EIF3A: variants seen among roughly 807,000 people sequenced by gnomAD.
EIF3A encodes EIF3, p180 subunit.
In EIF3A, 21 loss-of-function variants were observed where a neutral mutation model predicts 186.6. The ratio of observed to expected loss-of-function variants is 0.11; its 90% CI spans 0.08 to 0.16. EIF3A has a LOEUF of 0.16. Ranked by LOEUF, EIF3A falls within the 10% of genes least tolerant of loss-of-function variation. The pLI, the probability that EIF3A is intolerant of heterozygous loss-of-function variation, is 1.00. For missense variants in EIF3A, 1,306 were observed against 1,796.3 expected, an observed-to-expected ratio of 0.73 and a Z score of 4.93; for synonymous variants, 563 against 584.3, an observed-to-expected ratio of 0.96 and a Z score of 0.52.
chr10:119,050,617 C>G lies in EIF3A; in HGVS notation c.2377G>C (p.Glu793Gln). The G allele has an allele frequency of 6.2e-7, 1 of 1,614,076 alleles. No homozygotes were observed. Among genetic ancestry groups the G allele is most frequent in the Non-Finnish European group, 8.5e-7 (1 of 1,180,014 alleles). The stretch of plus-strand genomic sequence containing the variant: ...TCTTCTTTACGCTGCCTTTTCCGTT[C>G]TTCCAATCGATTATGCCTTTCTTCT... The part of the protein sequence containing the change: ...LAEERHNRLE[E>Q]RKRQRKEERR... Residue 793 changes from glutamate (E) to glutamine (Q), a missense_variant, in exon 16 of 22, where the codon GAA (glutamate) becomes CAA (glutamine). Physicochemically the swap from Glu to Gln is conservative, Grantham distance 29 (BLOSUM62 2). This residue lies in a region of EIF3A where 410 missense variants were observed against 473.5 expected (regional missense o/e 0.87). Transcript: ENST00000369144.
chr10:119,037,043 TAATTA>T (rs1848138414), intron 21 of EIF3A, 71 bp downstream of exon 21: 1 of 997,556 alleles, frequency 1.0e-6, no homozygotes, highest in Non-Finnish European at 1.5e-6. Flanking sequence ...ATTTATGATA[TAATTA>T]AATAACCCAA....
In EIF3A at chr10:119,059,386, A is replaced by T; in HGVS notation, c.1455T>A (p.Asp485Glu). ...ARHCDLQVRI[D>E]HTSRTLSFGS... ...CAAAACTCAGGGTCCGAGAAGTGTGATCAATACGAACCTTTGAAAATTAAA... is the reference window on the plus strand; with the variant it reads ...CAAAACTCAGGGTCCGAGAAGTGTGTTCAATACGAACCTTTGAAAATTAAA... Residue 485 changes from aspartate to glutamate, a missense_variant, in exon 11 of 22, where the codon GAT becomes GAA. By Grantham distance (45) the Asp-to-Glu change is conservative. Around this residue, in one of 8 missense-constraint regions of EIF3A, gnomAD observed 267 missense variants for 367.8 expected, o/e 0.73. Transcript: ENST00000369144. 6.3e-7 allele frequency: 1 copy of T among 1,585,350 alleles called. No individual in the cohort carries two copies. The highest frequency in any genetic ancestry group is 8.6e-7 in the Non-Finnish European group (1 of 1,166,904).
rs190931308 is a variant in EIF3A at position 119,039,286 on chromosome 10, A to T, written c.3527-847T>A. ...CTCACACTTATGCATGGAATATATG[A>T]ATCTAGGAACATTTTATATACAGTA... On this transcript the variant is annotated intron_variant, in intron 19 of 21. Transcript: ENST00000369144. 1.1e-4 allele frequency among the ~76,000 whole-genome samples: 17 copies of T among 152,226 alleles called. 1 individual carries two copies. The highest frequency in any genetic ancestry group is 9.8e-4 in the Admixed American group (15 of 15,274).
intron 4 of EIF3A, among the ~76,000 whole-genome samples, chr10:119,072,040 AAAAAAAGAAAG>A (rs1212294110): frequency 6.8e-5 from 9 of 132,206 alleles, no homozygotes; most frequent in South Asian, 2.2e-4. Context: ...AAAAAAAAAA[AAAAAAAGAAAG>A]AAAAAAAGAA....
Position 119,038,339 on chromosome 10 carries a change from C to G in EIF3A, c.3627G>C (p.Arg1209Ser). 2 of 1,614,052 alleles carry G rather than the reference C, an allele frequency of 1.2e-6. No individual in the cohort carries two copies. The highest frequency in any genetic ancestry group is 2.7e-5 in the African/African-American group (2 of 74,984). Reference sequence around the variant, plus strand: ...CCTCCCGATCTTGATTATCTCTGTCCCTTTCTTTTTCTCTGTCCCATTCAC... The same window carrying G: ...CCTCCCGATCTTGATTATCTCTGTCGCTTTCTTTTTCTCTGTCCCATTCAC... ...EEREWDREKE[R>S]DRDNQDREEN... Residue 1209 changes from arginine (R) to serine (S), a missense_variant, in exon 20 of 22, where the codon AGG becomes AGC. This residue lies in a region of EIF3A where 331 missense variants were observed against 365.8 expected (regional missense o/e 0.90). Coordinates refer to ENST00000369144, the MANE Select transcript of EIF3A (RefSeq NM_003750.4).
intron 9 of EIF3A, 74 bp from the exon 10 acceptor site, chr10:119,059,792 GTCATGGGAAGTAGAAA>G (rs1171117510): frequency 1.4e-5 from 13 of 940,908 alleles, no homozygotes; most frequent in Non-Finnish European, 1.9e-5. Context: ...TCTCATGACA[GTCATGGGAAGTAGAAA>G]TTATGCCAGA....
At position 119,044,085 on chromosome 10, in the gene EIF3A, C is replaced by G; in HGVS notation, c.2716G>C (p.Asp906His). 6.2e-7 allele frequency: 1 copy of G among 1,614,078 alleles called. No individual in the cohort carries two copies. The highest frequency in any genetic ancestry group is 1.6e-4 in the Middle Eastern group (1 of 6,062). Residue 906 changes from aspartate to histidine, a missense_variant, in exon 18 of 22, where the codon GAT becomes CAT. Asp to His is a moderately conservative substitution (Grantham distance 81). Around this residue, in one of 8 missense-constraint regions of EIF3A, gnomAD observed 410 missense variants for 473.5 expected, o/e 0.87. Coordinates refer to ENST00000369144, the MANE Select transcript of EIF3A (RefSeq NM_003750.4). Reference protein sequence around the residue: ...EGTWRKGPEADSEWRRGPPEK... With the variant: ...EGTWRKGPEAHSEWRRGPPEK... ...GGCGGGCCTCTTCTCCACTCAGAAT[C>G]TGCTTCAGGTCCTTTTCTCCAGGTG...
At chr10:119,063,121 T>C (rs1291474993) in intron 7 of EIF3A, among the ~76,000 whole-genome samples, 2 of 152,128 alleles carry the variant, frequency 1.3e-5, no homozygotes, top group East Asian at 3.9e-4. Context: ...GCTTTAAAAA[T>C]TAGAAGCAAA....
At chr10:119,071,186 A>T in intron 4 of EIF3A, 101 bp from the exon 5 acceptor site, 2 of 843,148 alleles carry the variant, frequency 2.4e-6, no homozygotes, top group Non-Finnish European at 3.8e-6. Flanking sequence ...TTTTAACAGG[A>T]TTCACCAAAC....
chr10:119,045,933 C>A (rs139084463), intron 17 of EIF3A, among the ~76,000 whole-genome samples: 24 of 152,108 alleles, frequency 1.6e-4, no homozygotes, highest in Non-Finnish European at 2.4e-4. Context: ...TCTCAGAGAA[C>A]CTGGTACAAA....
At position 119,042,148 on chromosome 10, in the gene EIF3A, A is replaced by G. The variant is rs763871929; in HGVS notation, c.3372T>C (p.Asp1124=). Residue 1124 remains aspartate, a synonymous_variant, in exon 19 of 22, where the codon GAT becomes GAC. Coordinates refer to ENST00000369144, the MANE Select transcript of EIF3A (RefSeq NM_003750.4). This position sits in a 1 kb window ranked among gnomAD's most constrained non-coding sequence, Gnocchi z 7.8. ...CACCACGCCTGGGAATTCTGTCATCATCGGCGTTCCTCCAAGGTCCTCGAT... is the reference window on the plus strand; with the variant it reads ...CACCACGCCTGGGAATTCTGTCATCGTCGGCGTTCCTCCAAGGTCCTCGAT... ...DDDRGPWRNA[D]DDRIPRRGAE... is the part of the protein sequence containing the mutation. 9 of 1,613,848 alleles carry G rather than the reference A, an allele frequency of 5.6e-6. No homozygotes were observed. In the South Asian group the frequency reaches 6.6e-5, roughly 12 times the overall value.
At chr10:119,059,977 C>T (rs746451232) in intron 9 of EIF3A, 4 of 544,104 alleles carry the variant, frequency 7.4e-6, no homozygotes, top group Non-Finnish European at 1.4e-5. Flanking sequence ...AAACCTGCTA[C>T]TTACCGAATA....
At position 119,052,142 on chromosome 10, in the gene EIF3A, A is replaced by T. The variant is rs149525366; in HGVS notation, c.2197-821T>A. 6.6e-5 allele frequency among the ~76,000 whole-genome samples: 10 copies of T among 152,288 alleles called. No homozygotes were observed. The East Asian group carries it at 1.5e-3, about 23-fold the overall frequency. On this transcript the variant is annotated intron_variant, in intron 14 of 21. Coordinates refer to ENST00000369144, the MANE Select transcript of EIF3A (RefSeq NM_003750.4). ...TTTTTAACTCAAGAGTAGAATTTCA[A>T]TTTGATCCAATCCTCTCAAACCCTG...
At chr10:119,080,174 G>T (rs1844240137) in intron 1 of EIF3A, among the ~76,000 whole-genome samples, 1 of 152,196 alleles carries the variant, frequency 6.6e-6, no homozygotes, top group African/African-American at 2.4e-5. Flanking sequence ...GCCCGGGCAG[G>T]AGGTGGAGCC....
chr10:119,063,875 GA>G (rs1843928736), intron 7 of EIF3A, among the ~76,000 whole-genome samples: 1 of 152,190 alleles, frequency 6.6e-6, no homozygotes, highest in African/African-American at 2.4e-5. Context: ...TTGAGGCCAG[GA>G]GTTCACGACC....
rs1367585744 is a variant in EIF3A at position 119,058,286 on chromosome 10, C to T, written c.1647G>A (p.Gln549=). 3 of 1,589,634 alleles carry T rather than the reference C, an allele frequency of 1.9e-6. No homozygotes were observed. The highest frequency in any genetic ancestry group is 2.3e-5 in the East Asian group (1 of 44,430). ...GGTATGCAGTGACAGCCAACTGATG[C>T]TGTTCTTCTTTCTCTTGCTTCAAAA... ...PAHILQEKEE[Q]HQLAVTAYLK... Residue 549 remains glutamine, a synonymous_variant, in exon 12 of 22, where the codon CAG becomes CAA. Coordinates refer to ENST00000369144, the MANE Select transcript of EIF3A (RefSeq NM_003750.4).
At chr10:119,050,070 G>C in intron 16 of EIF3A, 85 bp from the exon 17 acceptor site, 1 of 1,238,960 alleles carries the variant, frequency 8.1e-7, no homozygotes, top group Non-Finnish European at 1.1e-6. Flanking sequence ...TATTAAACAG[G>C]TAGCATAATG....
chr10:119,036,360 T>A (rs1184560555), intron 21 of EIF3A, 92 bp from the exon 22 acceptor site: 1 of 760,328 alleles, frequency 1.3e-6, no homozygotes, highest in African/African-American at 1.8e-5. Flanking sequence ...GATTGTTAAA[T>A]ACAGAAATCA....
At chr10:119,075,123 G>A (rs545777835) in intron 1 of EIF3A, among the ~76,000 whole-genome samples, 4 of 151,218 alleles carry the variant, frequency 2.6e-5, no homozygotes, top group Non-Finnish European at 4.4e-5. Flanking sequence ...CACAGGGCCC[G>A]GCTAATTTTT....
Sources: allele counts gnomAD v4.1 joint callset (sites outside exome capture counted in the v4.1 genomes callset), GRCh38; gene constraint gnomAD v4.1.1; regional missense constraint gnomAD v4.1.1; non-coding constraint Gnocchi (gnomAD v3.1); transcripts MANE v1.5; gene names NCBI Gene and HGNC (gene_info 2026-07-23, HGNC 2026-07-21).